ADGRV1: variants seen among roughly 807,000 people sequenced by gnomAD.
ADGRV1 encodes G-protein coupled receptor 98.
ADGRV1 carries 359 observed loss-of-function variants against 596.2 expected under a neutral mutation model. That is an observed-to-expected ratio of 0.60 (90% CI 0.55 to 0.66). ADGRV1 has a LOEUF of 0.66. Among genes scored for constraint, ADGRV1 ranks in the 30% least tolerant of loss-of-function variants. ADGRV1 has a pLI of 0.00. For synonymous variants in ADGRV1, 2,681 were observed against 2,679.2 expected (o/e 1.00, Z -0.02); for missense variants, 7,274 against 7,575.6 (o/e 0.96, Z 1.48).
intron 70 of ADGRV1, among the ~76,000 whole-genome samples, chr5:90,794,633 A>G (rs1323221707): frequency 6.6e-6 from 1 of 152,176 alleles, no homozygotes; most frequent in Admixed American, 6.5e-5. Context: ...TTAAGGTACC[A>G]TAAATCGTTT....
chr5:91,063,559 G>C (rs1787634419), intron 85 of ADGRV1, among the ~76,000 whole-genome samples: 1 of 151,956 alleles, frequency 6.6e-6, no homozygotes, highest in Non-Finnish European at 1.5e-5. Flanking sequence ...AACAGTTGGC[G>C]GAAGATTCAT....
chr5:90,888,212 A>G (rs904471419), intron 83 of ADGRV1, among the ~76,000 whole-genome samples: 3 of 152,194 alleles, frequency 2.0e-5, no homozygotes, highest in African/African-American at 4.8e-5. Flanking sequence ...AGCATTAAAT[A>G]ATGTTTTCCC....
intron 50 of ADGRV1, among the ~76,000 whole-genome samples, chr5:90,732,687 A>G (rs1299354154): frequency 6.6e-6 from 1 of 152,152 alleles, no homozygotes; most frequent in East Asian, 1.9e-4. Context: ...GATTCCACAT[A>G]TAAGTGAGAT....
chr5:90,909,350 C>A (rs1277727329), intron 83 of ADGRV1, among the ~76,000 whole-genome samples: 2 of 152,094 alleles, frequency 1.3e-5, no homozygotes, highest in African/African-American at 4.8e-5. Flanking sequence ...GTGCTCTCTG[C>A]CTGTTTGATT....
At chr5:90,626,050 A>G (rs1364901721) in intron 6 of ADGRV1, 2 of 152,198 alleles carry the variant, frequency 1.3e-5, no homozygotes, top group African/African-American at 4.8e-5. Context: ...TGTCCCCCAC[A>G]TGAGCTAAAC....
intron 6 of ADGRV1, chr5:90,626,221 A>G (rs948009452): frequency 6.6e-6 from 1 of 152,184 alleles, no homozygotes. Flanking sequence ...GTATTAGAGT[A>G]TTAGAAGACA....
At chr5:90,760,832 A>T (rs1756438900) in intron 58 of ADGRV1, among the ~76,000 whole-genome samples, 1 of 152,236 alleles carries the variant, frequency 6.6e-6, no homozygotes, top group Admixed American at 6.5e-5. Flanking sequence ...GTGCAGCCAT[A>T]TTTGGTACCT....
intron 85 of ADGRV1, among the ~76,000 whole-genome samples, chr5:91,067,010 A>C (rs536047565): frequency 6.6e-6 from 1 of 152,316 alleles, no homozygotes; most frequent in South Asian, 2.1e-4. Flanking sequence ...CTGAGAAGTC[A>C]TGACTTGTGG....
At chr5:90,899,705 G>C (rs1202500615) in intron 83 of ADGRV1, among the ~76,000 whole-genome samples, 1 of 151,810 alleles carries the variant, frequency 6.6e-6, no homozygotes, top group Non-Finnish European at 1.5e-5. Flanking sequence ...TTTCTCCCTT[G>C]TTTGAATATA....
At chr5:90,582,146 A>T (rs1758150222) in intron 1 of ADGRV1, among the ~76,000 whole-genome samples, 1 of 148,640 alleles carries the variant, frequency 6.7e-6, no homozygotes. Flanking sequence ...CTGTATGCAG[A>T]TGAGAAGATG....
At chr5:90,600,175 T>C (rs1024561503) in intron 1 of ADGRV1, among the ~76,000 whole-genome samples, 3 of 152,148 alleles carry the variant, frequency 2.0e-5, no homozygotes, top group African/African-American at 7.2e-5. Flanking sequence ...ATTATTATAC[T>C]TTAAGTTCTA....
intron 86 of ADGRV1, among the ~76,000 whole-genome samples, chr5:91,096,946 C>T (rs969153026): frequency 1.3e-5 from 2 of 152,178 alleles, no homozygotes; most frequent in Non-Finnish European, 2.9e-5. Context: ...ATTCTAGGCA[C>T]CTCGTGTAAA....
At chr5:90,807,976 A>G (rs1165592735) in intron 73 of ADGRV1, among the ~76,000 whole-genome samples, 1 of 152,156 alleles carries the variant, frequency 6.6e-6, no homozygotes, top group East Asian at 1.9e-4. Flanking sequence ...GGTCTGGGGT[A>G]CCATCTCCAC....
chr5:90,720,120 C>G lies in ADGRV1; in HGVS notation c.9520C>G (p.Pro3174Ala). The G allele has an allele frequency of 6.2e-7, 1 of 1,613,540 alleles. No individual in the cohort carries two copies. The highest frequency in any genetic ancestry group is 8.5e-7 in the Non-Finnish European group (1 of 1,179,524). ...GTATTTTGTTTGCACCTTGTTTAAT[C>G]CAACTGGAGGTGCTAGACTAGGGGT... ...DEYFVCTLFN[P>A]TGGARLGVHV... The change falls in exon 44 of 90, where the codon CCA becomes GCA. Residue 3174 changes from proline to alanine, a missense_variant. Around this residue, in one of 5 missense-constraint regions of ADGRV1, gnomAD observed 3,643 missense variants for 3,809.2 expected, o/e 0.96. Transcript: ENST00000405460.
Position 90,640,168 on chromosome 5 carries a change from A to T in ADGRV1, c.2240+2220A>T, listed in dbSNP as rs114078025. Among the ~76,000 whole-genome samples the T allele has an allele frequency of 3.3e-3, 508 of 152,314 alleles. 3 individuals are homozygous for T. Among genetic ancestry groups the T allele is most frequent in the Non-Finnish European group, 4.8e-3 (329 of 68,020 alleles). ...AATGGTGCATTTGACTTTAAAAATG[A>T]AGCTCTAGGGCTCTACATTTGACAT... On this transcript the variant is annotated intron_variant, in intron 11 of 89. Coordinates refer to ENST00000405460, the MANE Select transcript of ADGRV1 (RefSeq NM_032119.4).
At chr5:91,083,190 A>G (rs1013011612) in intron 86 of ADGRV1, among the ~76,000 whole-genome samples, 3 of 150,946 alleles carry the variant, frequency 2.0e-5, no homozygotes, top group African/African-American at 2.4e-5. Flanking sequence ...GAATTGAACA[A>G]TGAGAACACT....
At chr5:90,675,479 CA>C (rs1379726141) in intron 24 of ADGRV1, 34 bp downstream of exon 24, 2 of 1,562,908 alleles carry the variant, frequency 1.3e-6, no homozygotes, top group Admixed American at 3.5e-5. Flanking sequence ...GTTGTATTTG[CA>C]CTTGTAAAAC....
intron 83 of ADGRV1, among the ~76,000 whole-genome samples, chr5:90,926,045 T>C (rs915501974): frequency 1.5e-5 from 2 of 129,294 alleles, no homozygotes; most frequent in African/African-American, 5.8e-5. Flanking sequence ...AGTATTTTAT[T>C]GAGGATTTTT....
chr5:91,039,290 C>G (rs1161221963), intron 85 of ADGRV1, among the ~76,000 whole-genome samples: 2 of 152,202 alleles, frequency 1.3e-5, no homozygotes, highest in Non-Finnish European at 2.9e-5. Context: ...TCCATGACTT[C>G]CTTTCTGGAG....
Sources: allele counts gnomAD v4.1 joint callset (sites outside exome capture counted in the v4.1 genomes callset), GRCh38; gene constraint gnomAD v4.1.1; regional missense constraint gnomAD v4.1.1; transcripts MANE v1.5; gene names NCBI Gene and HGNC (gene_info 2026-07-23, HGNC 2026-07-21).